The following TENM2 variants were observed in gnomAD, a reference collection of about 807,000 sequenced individuals.
The protein encoded by TENM2 is teneurin transmembrane protein 2.
TENM2 carries 52 observed loss-of-function variants against 245.2 expected under a neutral mutation model. The ratio of observed to expected loss-of-function variants is 0.21; its 90% CI spans 0.17 to 0.27. The LOEUF is 0.27. Ranked by LOEUF, TENM2 falls within the 10% of genes least tolerant of loss-of-function variation. TENM2 has a pLI of 1.00. For missense variants in TENM2, 3,046 were observed against 3,666.8 expected, an observed-to-expected ratio of 0.83 and a Z score of 4.37; for synonymous variants, 1,363 against 1,438.9, an observed-to-expected ratio of 0.95 and a Z score of 1.19.
intron 2 of TENM2, among the ~76,000 whole-genome samples, chr5:167,623,775 T>G (rs1052360210): frequency 6.6e-6 from 1 of 152,220 alleles, no homozygotes; most frequent in Non-Finnish European, 1.5e-5. Context: ...TTTGTTTCCT[T>G]TTTAAATTTT....
intron 7 of TENM2, among the ~76,000 whole-genome samples, chr5:168,078,003 A>G (rs985664518): frequency 6.6e-6 from 1 of 152,222 alleles, no homozygotes; most frequent in African/African-American, 2.4e-5. Context: ...GAATTGCCAC[A>G]CTGTCTTCCA....
chr5:167,807,239 T>TG (rs1766272319), intron 2 of TENM2, among the ~76,000 whole-genome samples: 2 of 149,150 alleles, frequency 1.3e-5, no homozygotes, highest in Non-Finnish European at 3.0e-5. Flanking sequence ...AAGACTTTTT[T>TG]GGGGGGTAAG....
exon 16 of TENM2, chr5:168,199,063 C>T (rs1178817766): frequency 1.2e-6 from 2 of 1,613,812 alleles, no homozygotes; most frequent in Non-Finnish European, 1.7e-6. Context: ...CCCCACTGTC[C>T]ACCTTCTTTA....
chr5:167,044,744 G>C, the TENM2 span, among the ~76,000 whole-genome samples: 4 of 152,222 alleles, frequency 2.6e-5, no homozygotes, highest in Non-Finnish European at 5.9e-5. Context: ...GTGGGCACTA[G>C]AGCCAGAAGA....
intron 12 of TENM2, among the ~76,000 whole-genome samples, chr5:168,157,471 G>A (rs1332037419): frequency 6.6e-6 from 1 of 152,166 alleles, no homozygotes; most frequent in Non-Finnish European, 1.5e-5. Context: ...CAAGCATCTG[G>A]ACCAAAGATG....
At chr5:167,710,006 CATT>C (rs1372755328) in intron 2 of TENM2, among the ~76,000 whole-genome samples, 1 of 151,986 alleles carries the variant, frequency 6.6e-6, no homozygotes, top group African/African-American at 2.4e-5. Context: ...TGAGGGGAAT[CATT>C]ATAAATCAGG....
intron 2 of TENM2, among the ~76,000 whole-genome samples, chr5:167,432,824 A>G (rs1366802114): frequency 2.0e-5 from 3 of 152,186 alleles, no homozygotes; most frequent in East Asian, 3.9e-4. Flanking sequence ...GCAAATGTCA[A>G]GGTGGTTAGA....
chr5:168,221,074 T>G (rs1033715139), intron 23 of TENM2, among the ~76,000 whole-genome samples: 1 of 151,172 alleles, frequency 6.6e-6, no homozygotes, highest in Non-Finnish European at 1.5e-5. Context: ...ATCACGCAGC[T>G]GTACTCCAGC....
intron 2 of TENM2, among the ~76,000 whole-genome samples, chr5:167,682,468 T>C (rs1561667965): frequency 1.3e-5 from 2 of 152,142 alleles, no homozygotes; most frequent in African/African-American, 2.4e-5. Context: ...TGGATGAGAA[T>C]GCCTTTTCAT....
chr5:167,466,508 AT>A (rs1766662787), intron 2 of TENM2, among the ~76,000 whole-genome samples: 1 of 152,234 alleles, frequency 6.6e-6, no homozygotes, highest in South Asian at 2.1e-4. Context: ...GAGGTTTCTC[AT>A]TCATTGCAAT....
At chr5:167,485,446 C>T (rs1032775613) in intron 2 of TENM2, among the ~76,000 whole-genome samples, 6 of 152,152 alleles carry the variant, frequency 3.9e-5, no homozygotes, top group African/African-American at 1.2e-4. Flanking sequence ...ATGAAATTAA[C>T]GTGTCTTTAA....
At chr5:167,576,426 G>T (rs1774692581) in intron 2 of TENM2, among the ~76,000 whole-genome samples, 3 of 151,384 alleles carry the variant, frequency 2.0e-5, no homozygotes, top group Admixed American at 2.0e-4. Flanking sequence ...ATAGCATTTT[G>T]CATAATTTGC....
intron 2 of TENM2, among the ~76,000 whole-genome samples, chr5:167,754,257 G>A (rs1289111457): frequency 6.6e-6 from 1 of 152,250 alleles, no homozygotes; most frequent in Admixed American, 6.5e-5. Flanking sequence ...CACAATAAAA[G>A]AGGTAAAGTG....
chr5:167,915,929 C>T (rs1010837310), intron 3 of TENM2, among the ~76,000 whole-genome samples: 2 of 152,158 alleles, frequency 1.3e-5, no homozygotes, highest in African/African-American at 2.4e-5. Context: ...ATTTGATTAT[C>T]CACACTGCTA....
At chr5:168,214,704 C>A (rs1438828223) in intron 20 of TENM2, 7 of 432,246 alleles carry the variant, frequency 1.6e-5, no homozygotes, top group Non-Finnish European at 1.8e-5. Context: ...AAGGAGACTG[C>A]ACACACATGG....
the TENM2 span, among the ~76,000 whole-genome samples, chr5:167,170,247 C>G: frequency 3.3e-5 from 5 of 152,194 alleles, no homozygotes; most frequent in African/African-American, 4.8e-5. Context: ...AACGTACAAT[C>G]GAGCTGTTAC....
intron 13 of TENM2, among the ~76,000 whole-genome samples, chr5:168,185,382 A>G (rs1581569743): frequency 6.6e-6 from 1 of 152,332 alleles, no homozygotes; most frequent in Non-Finnish European, 1.5e-5. Flanking sequence ...CATTCATTAT[A>G]CGACACTGCT....
the TENM2 span, among the ~76,000 whole-genome samples, chr5:167,052,126 C>T: frequency 1.3e-5 from 2 of 152,074 alleles, no homozygotes; most frequent in East Asian, 3.9e-4. Flanking sequence ...TGCTTTTTAA[C>T]TCAATCTTGC....
chr5:168,259,212 A>G (rs1180084571), intron 27 of TENM2, among the ~76,000 whole-genome samples: 1 of 152,114 alleles, frequency 6.6e-6, no homozygotes, highest in Non-Finnish European at 1.5e-5. Flanking sequence ...ATAATTCCCA[A>G]TGCAAGGACT....
Sources: gnomAD v4.1 joint callset for allele counts (sites outside exome capture counted in the v4.1 genomes callset) on GRCh38, gnomAD v4.1.1 for gene constraint, MANE v1.5 for transcripts, NCBI Gene and HGNC (gene_info 2026-07-23, HGNC 2026-07-21) for gene names.